The following MSI2 variants were observed in gnomAD, a reference collection of about 807,000 sequenced individuals.
MSI2 encodes RNA-binding protein Musashi homolog 2.
In MSI2, 17 loss-of-function variants were observed where a neutral mutation model predicts 45.6. That is an observed-to-expected ratio of 0.37 (90% CI 0.26 to 0.56). The LOEUF (loss-of-function observed/expected upper bound fraction) is 0.56, where lower values mean the gene tolerates loss of function less well. Ranked by LOEUF, MSI2 falls within the 20% of genes least tolerant of loss-of-function variation. MSI2 has a pLI of 0.77. For missense variants in MSI2, 293 were observed against 444.2 expected (o/e 0.66, Z 3.06); for synonymous variants, 156 against 158.2 (o/e 0.99, Z 0.11).
the MSI2 span, among the ~76,000 whole-genome samples, chr17:57,691,473 C>A: frequency 7.2e-5 from 11 of 152,088 alleles, no homozygotes; most frequent in Non-Finnish European, 1.3e-4. Flanking sequence ...GACATTTTAG[C>A]AAGATGGAGT....
chr17:57,290,922 G>A (rs1910354218), intron 5 of MSI2, among the ~76,000 whole-genome samples: 1 of 152,232 alleles, frequency 6.6e-6, no homozygotes, highest in African/African-American at 2.4e-5. Context: ...TTCTGCCCAC[G>A]CTGGGGGGCC....
intron 10 of MSI2, among the ~76,000 whole-genome samples, chr17:57,646,728 C>T (rs1464842372): frequency 1.3e-5 from 2 of 152,194 alleles, no homozygotes; most frequent in Non-Finnish European, 2.9e-5. Context: ...AATGGGTCTT[C>T]GAGTCTGACG....
intron 7 of MSI2, among the ~76,000 whole-genome samples, chr17:57,570,574 G>T (rs907218482): frequency 4.6e-5 from 7 of 152,182 alleles, no homozygotes; most frequent in Non-Finnish European, 7.3e-5. Context: ...ACTCTTCCCT[G>T]CCTGCCTTCT....
At chr17:57,381,698 G>A (rs901242015) in intron 5 of MSI2, among the ~76,000 whole-genome samples, 2 of 152,140 alleles carry the variant, frequency 1.3e-5, no homozygotes, top group Non-Finnish European at 2.9e-5. Flanking sequence ...ATTGCTAATG[G>A]CACTTCATTT....
chr17:57,489,555 G>A (rs1011512022), intron 6 of MSI2, among the ~76,000 whole-genome samples: 5 of 152,246 alleles, frequency 3.3e-5, no homozygotes, highest in Non-Finnish European at 7.3e-5. Flanking sequence ...ACAGAGGCCG[G>A]CGGGGCCAGC....
Position 57,502,450 on chromosome 17 carries a change from T to G in MSI2, c.406-27226T>G, listed in dbSNP as rs1598340461. Among the ~76,000 whole-genome samples the G allele has an allele frequency of 2.0e-5, 3 of 151,514 alleles. No homozygotes were observed. The South Asian group carries it at 6.3e-4, about 32-fold the overall frequency. On this transcript the variant is annotated intron_variant, in intron 6 of 13. Transcript: ENST00000284073. ...TGGAGACGATGATAATAGTGCATCCTTTGAAGGTGTAATGTGTGAATTGAA... is the reference window on the plus strand; with the variant it reads ...TGGAGACGATGATAATAGTGCATCCGTTGAAGGTGTAATGTGTGAATTGAA...
At chr17:57,650,206 T>G (rs981998371) in intron 10 of MSI2, among the ~76,000 whole-genome samples, 2 of 151,368 alleles carry the variant, frequency 1.3e-5, no homozygotes, top group Non-Finnish European at 2.9e-5. Flanking sequence ...CCTCCCCCAC[T>G]TCGTTCCTCT....
intron 7 of MSI2, among the ~76,000 whole-genome samples, chr17:57,577,188 G>C (rs998244039): frequency 3.3e-5 from 5 of 152,188 alleles, no homozygotes; most frequent in Non-Finnish European, 7.3e-5. Flanking sequence ...ACCATGAGTG[G>C]CCGTTTGTGA....
chr17:57,580,345 G>A (rs541866095), intron 7 of MSI2, among the ~76,000 whole-genome samples: 1 of 152,190 alleles, frequency 6.6e-6, no homozygotes, highest in Middle Eastern at 3.2e-3. Flanking sequence ...CTGACTGACT[G>A]CTTTTGTGTT....
intron 10 of MSI2, chr17:57,633,195 C>A: frequency 9.9e-7 from 1 of 1,012,954 alleles, no homozygotes; most frequent in Non-Finnish European, 1.2e-6. Context: ...ATACTGTGTG[C>A]TGCCGTCTCT....
chr17:57,414,203 C>G (rs2084250405), intron 6 of MSI2, among the ~76,000 whole-genome samples: 1 of 152,042 alleles, frequency 6.6e-6, no homozygotes, highest in Admixed American at 6.5e-5. Flanking sequence ...AGTCTCTTTG[C>G]CTTGACCTGA....
intron 7 of MSI2, among the ~76,000 whole-genome samples, chr17:57,563,339 G>A (rs1017162991): frequency 6.6e-6 from 1 of 152,068 alleles, no homozygotes; most frequent in Non-Finnish European, 1.5e-5. Flanking sequence ...TGTTTCTCCT[G>A]TTGGTTCCTG....
chr17:57,551,517 A>C (rs2087304643), intron 7 of MSI2, among the ~76,000 whole-genome samples: 1 of 152,160 alleles, frequency 6.6e-6, no homozygotes, highest in Non-Finnish European at 1.5e-5. Context: ...CCGAGGGTAG[A>C]AATCAGGTGC....
chr17:57,517,479 C>T (rs762877536), intron 6 of MSI2, among the ~76,000 whole-genome samples: 3 of 152,150 alleles, frequency 2.0e-5, no homozygotes, highest in Admixed American at 6.5e-5. Context: ...GCAGCTTGTC[C>T]GAGAGGGCGG....
chr17:57,433,788 C>T (rs1349583629), intron 6 of MSI2, among the ~76,000 whole-genome samples: 2 of 152,226 alleles, frequency 1.3e-5, no homozygotes, highest in East Asian at 1.9e-4. Context: ...CTTCCTTAAG[C>T]GCCGCTCATG....
chr17:57,401,235 T>C lies in MSI2; in HGVS notation c.313-144T>C, dbSNP rs1426215707. On this transcript the variant is annotated intron_variant, in intron 5 of 13. Coordinates refer to ENST00000284073, the MANE Select transcript of MSI2 (RefSeq NM_138962.4). ...TGACTGTCTCTAGCATCCTTAGACA[T>C]CTAAACGCCCGCGCCATGCAGCTTG... 5 of 646,898 alleles carry C rather than the reference T, an allele frequency of 7.7e-6. No homozygotes were observed. In the African/African-American group the frequency reaches 9.1e-5, roughly 12 times the overall value. 40.1% of individuals were successfully genotyped at this position (646,898 alleles called of 1,614,324 possible).
At chr17:57,592,840 G>A (rs893172704) in intron 7 of MSI2, among the ~76,000 whole-genome samples, 2 of 152,134 alleles carry the variant, frequency 1.3e-5, no homozygotes, top group Non-Finnish European at 2.9e-5. Context: ...ATCTCAGAGT[G>A]GGAAACTGGG....
chr17:57,535,331 G>T lies in MSI2; in HGVS notation c.454+5607G>T, dbSNP rs2086899021. Among the ~76,000 whole-genome samples the T allele has an allele frequency of 2.0e-5, 3 of 152,300 alleles. No individual in the cohort carries two copies. In the South Asian group the frequency reaches 6.2e-4, roughly 32 times the overall value. On this transcript the variant is annotated intron_variant, in intron 7 of 13. Transcript: ENST00000284073. ...AGCCCTGCACAGCTGGGTTCCTCCAGGGAAGATCTGGATGGTTGAGGCCTA... is the reference window on the plus strand; with the variant it reads ...AGCCCTGCACAGCTGGGTTCCTCCATGGAAGATCTGGATGGTTGAGGCCTA...
At position 57,548,042 on chromosome 17, in the gene MSI2, A is replaced by C. The variant is rs1412962791; in HGVS notation, c.454+18318A>C. The stretch of plus-strand genomic sequence containing the variant: ...CATTCAAGAATCAAAGCATCATTGC[A>C]TCCACCCCAACAGGGAAGAGAGATC... On this transcript the variant is annotated intron_variant, in intron 7 of 13. Transcript: ENST00000284073. Among the ~76,000 whole-genome samples the C allele has an allele frequency of 2.0e-5, 3 of 152,268 alleles. No homozygotes were observed. In the East Asian group the frequency reaches 5.8e-4, roughly 29 times the overall value.
Sources: allele counts gnomAD v4.1 joint callset (sites outside exome capture counted in the v4.1 genomes callset), GRCh38; gene constraint gnomAD v4.1.1; transcripts MANE v1.5; gene names NCBI Gene and HGNC (gene_info 2026-07-23, HGNC 2026-07-21).